RIMOC1: variants seen among roughly 807,000 people sequenced by gnomAD.
RIMOC1 encodes the protein RAB7A-interacting MON1-CCZ1 complex subunit 1.
At chr5:41,919,022 T>C in the RIMOC1 span, 1 of 152,218 alleles carries the variant, frequency 6.6e-6, no homozygotes, top group African/African-American at 2.4e-5. Context: ...TTTTTTACTT[T>C]ACATATTTTA....
the RIMOC1 span, chr5:41,911,293 GTCTTTTATTTAC>G: frequency 1.0e-6 from 1 of 955,014 alleles, no homozygotes; most frequent in Non-Finnish European, 1.5e-6. Flanking sequence ...TGTATTCTGT[GTCTTTTATTTAC>G]TAGCTGGGTA....
At chr5:41,906,405 A>C in the RIMOC1 span, among the ~76,000 whole-genome samples, 2 of 152,194 alleles carry the variant, frequency 1.3e-5, no homozygotes, top group East Asian at 3.8e-4. Context: ...CCCCTGCCAC[A>C]GTAATTATGT....
the RIMOC1 span, chr5:41,908,278 C>CT: frequency 1.2e-4 from 18 of 150,770 alleles, no homozygotes; most frequent in South Asian, 6.2e-4. Context: ...TATTCACCCA[C>CT]TTTTTTTTTT....
At chr5:41,921,027 A>G in the RIMOC1 span, 1 of 152,642 alleles carries the variant, frequency 6.6e-6, no homozygotes, top group Non-Finnish European at 1.5e-5. Flanking sequence ...AGACTTAGTT[A>G]AAGACCTGTG....
At chr5:41,916,317 T>A in the RIMOC1 span, 1 of 747,776 alleles carries the variant, frequency 1.3e-6, no homozygotes, top group Non-Finnish European at 1.6e-6. Context: ...TTTATTTGTC[T>A]TTCTGCCAAA....
the RIMOC1 span, chr5:41,907,822 C>A: frequency 2.5e-6 from 4 of 1,604,688 alleles, no homozygotes; most frequent in Non-Finnish European, 2.6e-6. Context: ...TCCATCAAAT[C>A]TTCTAGAACT....
chr5:41,909,947 T>C, the RIMOC1 span: 3 of 1,367,254 alleles, frequency 2.2e-6, no homozygotes, highest in Non-Finnish European at 3.0e-6. Context: ...CTTGCTGTCC[T>C]GCTTTTTGGA....
the RIMOC1 span, among the ~76,000 whole-genome samples, chr5:41,914,981 G>A: frequency 6.6e-6 from 1 of 152,166 alleles, no homozygotes; most frequent in African/African-American, 2.4e-5. Context: ...CAAATTTTCT[G>A]TGGCTAGATC....
At chr5:41,915,634 G>C in the RIMOC1 span, among the ~76,000 whole-genome samples, 1 of 152,176 alleles carries the variant, frequency 6.6e-6, no homozygotes, top group Non-Finnish European at 1.5e-5. Flanking sequence ...GAGAGAAGGA[G>C]AGAGAAGTGA....
the RIMOC1 span, among the ~76,000 whole-genome samples, chr5:41,906,504 A>G: frequency 1.1e-4 from 17 of 152,212 alleles, no homozygotes; most frequent in Non-Finnish European, 2.2e-4. Flanking sequence ...AAGTTAAACA[A>G]AATATCAACA....
chr5:41,910,534 A>G, the RIMOC1 span, among the ~76,000 whole-genome samples: 1 of 151,478 alleles, frequency 6.6e-6, no homozygotes, highest in Non-Finnish European at 1.5e-5. Context: ...CTCATCTTTA[A>G]CTGCCTGCTG....
At chr5:41,914,447 A>G in the RIMOC1 span, among the ~76,000 whole-genome samples, 6 of 146,738 alleles carry the variant, frequency 4.1e-5, no homozygotes, top group South Asian at 4.4e-4. Context: ...ATAGAGCCAG[A>G]CTCTGTCTCA....
the RIMOC1 span, chr5:41,907,913 T>G: frequency 1.2e-6 from 1 of 863,378 alleles, no homozygotes; most frequent in Non-Finnish European, 1.8e-6. Context: ...GACTCCAACT[T>G]TAGGTAAAAT....
chr5:41,912,494 G>C, the RIMOC1 span, among the ~76,000 whole-genome samples: 1 of 152,108 alleles, frequency 6.6e-6, no homozygotes. Flanking sequence ...CCTGAGACTG[G>C]GTAATTTATA....
At chr5:41,917,358 GA>G in the RIMOC1 span, 1 of 1,500,026 alleles carries the variant, frequency 6.7e-7, no homozygotes. Context: ...ATGGAAAAGA[GA>G]GTTCCAAAAA....
the RIMOC1 span, among the ~76,000 whole-genome samples, chr5:41,911,669 C>T: frequency 2.0e-5 from 3 of 152,126 alleles, no homozygotes; most frequent in Non-Finnish European, 2.9e-5. Context: ...GCTTGAAATG[C>T]GAGGCCACAC....
At chr5:41,906,492 G>A in the RIMOC1 span, among the ~76,000 whole-genome samples, 318 of 152,208 alleles carry the variant, frequency 2.1e-3, no homozygotes, top group African/African-American at 7.3e-3. Flanking sequence ...AAATAATCCT[G>A]CAAGTTAAAC....
chr5:41,907,077 CAG>C, the RIMOC1 span, among the ~76,000 whole-genome samples: 5 of 152,132 alleles, frequency 3.3e-5, no homozygotes, highest in African/African-American at 9.6e-5. Context: ...GAAAAAAAAT[CAG>C]GAGATGGTGA....
the RIMOC1 span, among the ~76,000 whole-genome samples, chr5:41,907,057 T>A: frequency 8.6e-5 from 13 of 151,878 alleles, no homozygotes; most frequent in Non-Finnish European, 1.6e-4. Context: ...ATTATGACAT[T>A]AGAGAAAGGG....
Sources: allele counts gnomAD v4.1 joint callset (sites outside exome capture counted in the v4.1 genomes callset), GRCh38; gene constraint gnomAD v4.1.1; transcripts MANE v1.5; gene names NCBI Gene and HGNC (gene_info 2026-07-23, HGNC 2026-07-21).